The following GNB4 variants were observed in gnomAD, a reference collection of about 807,000 sequenced individuals.
The protein encoded by GNB4 is G protein subunit beta 4, also known as guanine nucleotide-binding protein subunit beta-4.
A neutral mutation model predicts 45.2 loss-of-function variants in GNB4; 28 were observed. That is an observed-to-expected ratio of 0.62 (90% CI 0.46 to 0.85). The LOEUF (loss-of-function observed/expected upper bound fraction) is 0.85. GNB4 is among the 40% of genes least tolerant of loss of function. The pLI is 0.00. For synonymous variants in GNB4, 132 were observed against 143.7 expected (o/e 0.92, Z 0.58); for missense variants, 321 against 425.4 (o/e 0.75, Z 2.16).
At chr3:179,416,394 A>C in intron 5 of GNB4, 99 bp downstream of exon 5, 1 of 684,128 alleles carries the variant, frequency 1.5e-6, no homozygotes, top group Non-Finnish European at 2.5e-6. Flanking sequence ...AATTTATCTC[A>C]GAAAGCAATT....
chr3:179,432,152 T>C (rs1421022821), intron 1 of GNB4, among the ~76,000 whole-genome samples: 1 of 152,114 alleles, frequency 6.6e-6, no homozygotes, highest in Non-Finnish European at 1.5e-5. Flanking sequence ...GCAGGCATGA[T>C]GGAAAGGGAG....
chr3:179,473,366 G>A, the GNB4 span, among the ~76,000 whole-genome samples: 6 of 151,966 alleles, frequency 3.9e-5, no homozygotes, highest in Admixed American at 1.3e-4. Context: ...GCGGTCCTTT[G>A]TACCCTTCAC....
intron 1 of GNB4, among the ~76,000 whole-genome samples, chr3:179,442,502 T>C (rs988427104): frequency 2.6e-5 from 4 of 152,182 alleles, no homozygotes; most frequent in African/African-American, 9.7e-5. Context: ...ATTATGTAAA[T>C]TTAAAATCAT....
chr3:179,433,118 A>C (rs1715351524), intron 1 of GNB4, among the ~76,000 whole-genome samples: 1 of 152,212 alleles, frequency 6.6e-6, no homozygotes, highest in Non-Finnish European at 1.5e-5. Context: ...AATGATAAAA[A>C]CACGAAGTGA....
intron 1 of GNB4, among the ~76,000 whole-genome samples, chr3:179,431,168 A>T (rs1715298106): frequency 6.6e-6 from 1 of 152,212 alleles, no homozygotes; most frequent in South Asian, 2.1e-4. Flanking sequence ...ATTAAGAACT[A>T]TATAATACAT....
chr3:179,439,067 A>C (rs536757072), intron 1 of GNB4, among the ~76,000 whole-genome samples: 1 of 152,252 alleles, frequency 6.6e-6, no homozygotes, highest in East Asian at 1.9e-4. Context: ...TAGAAATGCA[A>C]ATTTATAAAT....
the GNB4 span, among the ~76,000 whole-genome samples, chr3:179,462,789 A>G: frequency 6.6e-6 from 1 of 152,174 alleles, no homozygotes; most frequent in African/African-American, 2.4e-5. Flanking sequence ...GTGAGCCAAG[A>G]TCACACCATT....
At chr3:179,457,835 C>T in the GNB4 span, among the ~76,000 whole-genome samples, 7 of 151,446 alleles carry the variant, frequency 4.6e-5, no homozygotes, top group Middle Eastern at 6.8e-3. Context: ...CCTTTCACTT[C>T]GAGGTAGTAA....
the GNB4 span, among the ~76,000 whole-genome samples, chr3:179,486,819 G>C: frequency 1.3e-5 from 2 of 152,240 alleles, no homozygotes; most frequent in South Asian, 4.1e-4. Context: ...TAACGCTTAA[G>C]AAACAGCTTT....
At chr3:179,505,756 A>G in the GNB4 span, among the ~76,000 whole-genome samples, 2 of 152,190 alleles carry the variant, frequency 1.3e-5, no homozygotes, top group Non-Finnish European at 2.9e-5. Context: ...GAGTCATCAT[A>G]TGACTTCATC....
At chr3:179,426,949 A>G (rs934485829) in intron 1 of GNB4, among the ~76,000 whole-genome samples, 6 of 151,824 alleles carry the variant, frequency 4.0e-5, no homozygotes, top group Non-Finnish European at 7.4e-5. Context: ...ACTAAACTCT[A>G]TCTTGACCCA....
chr3:179,501,826 T>C, the GNB4 span, among the ~76,000 whole-genome samples: 1 of 152,224 alleles, frequency 6.6e-6, no homozygotes, highest in Non-Finnish European at 1.5e-5. Flanking sequence ...GTTTTCTCTA[T>C]CTTTAAGAAG....
chr3:179,462,711 C>T, the GNB4 span, among the ~76,000 whole-genome samples: 2,450 of 151,844 alleles, frequency 0.016, 33 homozygotes, highest in South Asian at 0.059. Flanking sequence ...GGTGGCGCAC[C>T]CCTGTAATCC....
At chr3:179,440,990 G>A (rs1351549500) in intron 1 of GNB4, among the ~76,000 whole-genome samples, 1 of 151,944 alleles carries the variant, frequency 6.6e-6, no homozygotes, top group Non-Finnish European at 1.5e-5. Context: ...CTTCTGCATT[G>A]TTCCTATTAT....
the GNB4 span, among the ~76,000 whole-genome samples, chr3:179,469,340 T>G: frequency 6.6e-6 from 1 of 152,192 alleles, no homozygotes; most frequent in African/African-American, 2.4e-5. Context: ...ATATATACAA[T>G]TTTATTTGTC....
the GNB4 span, among the ~76,000 whole-genome samples, chr3:179,488,812 A>G: frequency 6.7e-6 from 1 of 149,952 alleles, no homozygotes; most frequent in African/African-American, 2.5e-5. Context: ...GTGAAACCCC[A>G]TCTCTACCAA....
At chr3:179,474,260 T>A in the GNB4 span, among the ~76,000 whole-genome samples, 1 of 152,226 alleles carries the variant, frequency 6.6e-6, no homozygotes, top group Non-Finnish European at 1.5e-5. Flanking sequence ...AGTCTTGCTC[T>A]GTCTCCCAGG....
At chr3:179,498,122 C>T in the GNB4 span, among the ~76,000 whole-genome samples, 5 of 152,172 alleles carry the variant, frequency 3.3e-5, no homozygotes, top group Admixed American at 2.0e-4. Context: ...TTCACAATGG[C>T]TAACTTGTGT....
intron 1 of GNB4, chr3:179,450,857 A>C (rs1360913893): frequency 6.6e-6 from 1 of 152,246 alleles, no homozygotes; most frequent in Non-Finnish European, 1.5e-5. Flanking sequence ...AATAAATCTG[A>C]AACAAAACCA....
Sources: allele counts gnomAD v4.1 joint callset (sites outside exome capture counted in the v4.1 genomes callset), GRCh38; gene constraint gnomAD v4.1.1; transcripts MANE v1.5; gene names NCBI Gene and HGNC (gene_info 2026-07-23, HGNC 2026-07-21).